NRG1: variants seen among roughly 807,000 people sequenced by gnomAD.
NRG1 encodes pro-neuregulin-1, membrane-bound isoform.
A neutral mutation model predicts 63.8 loss-of-function variants in NRG1; 18 were observed. The ratio of observed to expected loss-of-function variants is 0.28; its 90% confidence interval spans 0.19 to 0.42. NRG1 has a LOEUF of 0.42. NRG1 is among the 10% of genes least tolerant of loss of function. The pLI is 1.00. For synonymous variants in NRG1, 302 were observed against 301.3 expected (o/e 1.00, Z -0.02); for missense variants, 762 against 814.7 (o/e 0.94, Z 0.79).
intron 1 of NRG1, among the ~76,000 whole-genome samples, chr8:31,866,361 GT>G (rs2129611033): frequency 6.6e-6 from 1 of 152,306 alleles, no homozygotes; most frequent in East Asian, 1.9e-4. Context: ...ATTTGTCTAA[GT>G]TTGGGCAGCA....
chr8:31,921,148 C>A (rs1156562713), intron 1 of NRG1, among the ~76,000 whole-genome samples: 2 of 152,064 alleles, frequency 1.3e-5, no homozygotes, highest in African/African-American at 4.8e-5. Flanking sequence ...CTGAATATTT[C>A]TTTTCTATCA....
At chr8:32,145,249 T>C (rs1388237778) in intron 1 of NRG1, among the ~76,000 whole-genome samples, 1 of 152,022 alleles carries the variant, frequency 6.6e-6, no homozygotes, top group Non-Finnish European at 1.5e-5. Flanking sequence ...AAGGAAAAAA[T>C]TGCTTGGTTG....
chr8:31,887,345 GA>G (rs1323994164), intron 1 of NRG1, among the ~76,000 whole-genome samples: 1 of 152,066 alleles, frequency 6.6e-6, no homozygotes, highest in East Asian at 1.9e-4. Context: ...TAAAGAGAGA[GA>G]AAAAAGGAAG....
chr8:32,506,563 T>C (rs1332613823), intron 1 of NRG1, among the ~76,000 whole-genome samples: 1 of 152,090 alleles, frequency 6.6e-6, no homozygotes, highest in East Asian at 1.9e-4. Context: ...ATCACAAAAG[T>C]CCTCAAGCCA....
chr8:32,555,175 G>A (rs748182935), intron 1 of NRG1, among the ~76,000 whole-genome samples: 2 of 152,158 alleles, frequency 1.3e-5, no homozygotes, highest in Non-Finnish European at 2.9e-5. Flanking sequence ...AGAGAATCAA[G>A]CATCTTTAAA....
chr8:32,642,214 C>G (rs1468741955), intron 5 of NRG1, among the ~76,000 whole-genome samples: 1 of 152,122 alleles, frequency 6.6e-6, no homozygotes, highest in African/African-American at 2.4e-5. Context: ...TTAGAGACCC[C>G]ATAATCTGTG....
intron 1 of NRG1, among the ~76,000 whole-genome samples, chr8:32,436,546 A>C (rs1372278355): frequency 3.9e-5 from 6 of 152,216 alleles, no homozygotes; most frequent in Non-Finnish European, 8.8e-5. Flanking sequence ...ATTCAGATTT[A>C]TCCTTTCCTA....
intron 2 of NRG1, 122 bp from the exon 3 acceptor site, chr8:32,605,440 T>C (rs1219316021): frequency 1.8e-6 from 2 of 1,090,972 alleles, no homozygotes; most frequent in East Asian, 5.0e-5. Context: ...AAGTTGTATT[T>C]TAACATATGT....
chr8:31,834,367 G>A (rs527774088), intron 1 of NRG1, among the ~76,000 whole-genome samples: 109 of 151,248 alleles, frequency 7.2e-4, no homozygotes, highest in African/African-American at 2.2e-3. Context: ...AAGATTAGAC[G>A]AAAGCATAAA....
chr8:32,408,083 C>T (rs1814347625), intron 1 of NRG1, among the ~76,000 whole-genome samples: 2 of 152,180 alleles, frequency 1.3e-5, no homozygotes, highest in African/African-American at 4.8e-5. Flanking sequence ...AGATGTTCCT[C>T]CATAACTCAT....
chr8:32,207,191 G>A (rs1844153663), intron 1 of NRG1, among the ~76,000 whole-genome samples: 1 of 151,796 alleles, frequency 6.6e-6, no homozygotes, highest in Non-Finnish European at 1.5e-5. Flanking sequence ...AGTCTCTGGG[G>A]TATGCTATTT....
At chr8:32,669,797 C>T (rs1199610932) in intron 5 of NRG1, among the ~76,000 whole-genome samples, 3 of 152,150 alleles carry the variant, frequency 2.0e-5, no homozygotes, top group African/African-American at 7.2e-5. Context: ...AGTTTCCTAG[C>T]CAGACTGGAC....
intron 1 of NRG1, among the ~76,000 whole-genome samples, chr8:32,473,712 C>T (rs767186082): frequency 1.9e-4 from 29 of 152,086 alleles, no homozygotes; most frequent in Admixed American, 1.3e-3. Context: ...GAGAAATGAT[C>T]GTGTTCTGTC....
chr8:31,852,909 T>C (rs1232662298), intron 1 of NRG1, among the ~76,000 whole-genome samples: 3 of 152,156 alleles, frequency 2.0e-5, no homozygotes, highest in Non-Finnish European at 4.4e-5. Flanking sequence ...TTGTCAAAGA[T>C]CAGATAGTTG....
chr8:32,083,258 C>T (rs958901835), intron 1 of NRG1, among the ~76,000 whole-genome samples: 2 of 152,186 alleles, frequency 1.3e-5, no homozygotes, highest in Non-Finnish European at 2.9e-5. Context: ...ATTCCTGAAG[C>T]ATCTCTTCTT....
intron 1 of NRG1, among the ~76,000 whole-genome samples, chr8:32,175,913 T>C (rs561272703): frequency 6.6e-6 from 1 of 152,260 alleles, no homozygotes; most frequent in Admixed American, 6.5e-5. Context: ...CTGCCAAAGG[T>C]AATTTATAGA....
intron 1 of NRG1, among the ~76,000 whole-genome samples, chr8:32,246,481 C>T (rs193108845): frequency 2.8e-4 from 43 of 152,238 alleles, no homozygotes; most frequent in African/African-American, 9.4e-4. Flanking sequence ...GAAGCTTCTG[C>T]CCCAAATGAA....
chr8:32,316,710 G>T (rs924293902), intron 1 of NRG1, among the ~76,000 whole-genome samples: 3 of 151,780 alleles, frequency 2.0e-5, no homozygotes, highest in African/African-American at 7.3e-5. Flanking sequence ...CTTGATCCTC[G>T]GTGTGAAACT....
At chr8:31,711,653 G>A (rs184959056) in intron 1 of NRG1, among the ~76,000 whole-genome samples, 190 of 152,182 alleles carry the variant, frequency 1.2e-3, no homozygotes, top group African/African-American at 4.2e-3. Flanking sequence ...TCCTTTTTAA[G>A]TACTCTGTCT....
Sources: allele counts gnomAD v4.1 joint callset (sites outside exome capture counted in the v4.1 genomes callset), GRCh38; gene constraint gnomAD v4.1.1; transcripts MANE v1.5; gene names NCBI Gene and HGNC (gene_info 2026-07-23, HGNC 2026-07-21).